ABCG2: variants seen among roughly 807,000 people sequenced by gnomAD.
ABCG2 encodes the protein ATP binding cassette subfamily G member 2 (JR blood group), also known as broad substrate specificity ATP-binding cassette transporter ABCG2.
A neutral mutation model predicts 73.5 loss-of-function variants in ABCG2; 80 were observed. That is an observed-to-expected ratio of 1.09 (90% CI 0.91 to 1.31). ABCG2 has a LOEUF of 1.31. Ranked by LOEUF, ABCG2 falls within the 50% of genes most tolerant of loss-of-function variation. The pLI, the probability that ABCG2 is intolerant of heterozygous loss-of-function variation, is 0.00. For missense variants in ABCG2, 796 were observed against 786.2 expected (o/e 1.01, Z -0.15); for synonymous variants, 269 against 282.4 (o/e 0.95, Z 0.48).
intron 1 of ABCG2, among the ~76,000 whole-genome samples, chr4:88,198,357 G>A (rs1028162659): frequency 2.0e-5 from 3 of 151,780 alleles, no homozygotes; most frequent in Non-Finnish European, 4.4e-5. Context: ...AATAAGCTGG[G>A]CATGATGGCT....
intron 1 of ABCG2, among the ~76,000 whole-genome samples, chr4:88,209,611 C>T (rs2110121744): frequency 6.7e-6 from 1 of 150,228 alleles, no homozygotes; most frequent in African/African-American, 2.4e-5. Flanking sequence ...GAGCTGATGT[C>T]ATGCCACTGC....
intron 1 of ABCG2, among the ~76,000 whole-genome samples, chr4:88,229,660 T>C (rs1399390741): frequency 1.3e-5 from 2 of 152,148 alleles, no homozygotes; most frequent in Non-Finnish European, 2.9e-5. Flanking sequence ...CTGGCCACCA[T>C]TCTCCTTTTC....
chr4:88,202,747 T>C (rs914430455), intron 1 of ABCG2, among the ~76,000 whole-genome samples: 7 of 151,996 alleles, frequency 4.6e-5, no homozygotes, highest in Non-Finnish European at 8.8e-5. Flanking sequence ...TAATCCTAGC[T>C]ACTCAGGAGG....
chr4:88,146,521 A>C (rs950196668), intron 1 of ABCG2, among the ~76,000 whole-genome samples: 3 of 151,936 alleles, frequency 2.0e-5, no homozygotes, highest in South Asian at 2.1e-4. Context: ...CAGCCTCCCA[A>C]GTAGCTGGGA....
intron 1 of ABCG2, among the ~76,000 whole-genome samples, chr4:88,183,756 CAA>C (rs556958786): frequency 7.7e-6 from 1 of 130,010 alleles, no homozygotes. Context: ...AAAGACACAT[CAA>C]AAAAAAAAAA....
At chr4:88,219,576 ATT>A (rs5860122) in intron 1 of ABCG2, among the ~76,000 whole-genome samples, 93 of 90,892 alleles carry the variant, frequency 1.0e-3, no homozygotes, top group South Asian at 3.3e-3. Flanking sequence ...TACCATTCAA[ATT>A]TTTTTTTTTT....
At chr4:88,168,055 A>G (rs1454382767) in intron 1 of ABCG2, among the ~76,000 whole-genome samples, 1 of 145,974 alleles carries the variant, frequency 6.9e-6, no homozygotes, top group Admixed American at 6.8e-5. Context: ...TTTTACACAG[A>G]GAGAGACAGC....
intron 12 of ABCG2, 149 bp from the exon 13 acceptor site, chr4:88,097,756 C>G (rs995293592): frequency 2.6e-6 from 2 of 771,028 alleles, no homozygotes; most frequent in Non-Finnish European, 4.1e-6. Context: ...CCCTCGGTCT[C>G]CAATGTTGTG....
intron 1 of ABCG2, among the ~76,000 whole-genome samples, chr4:88,200,000 CA>C (rs953519877): frequency 2.7e-5 from 4 of 150,680 alleles, no homozygotes; most frequent in South Asian, 2.1e-4. Flanking sequence ...GACTCCGTCT[CA>C]AAAAAAAAGT....
rs1721939189 is a variant in ABCG2 at position 88,095,718 on chromosome 4, C to T, written c.1648-109G>A. On this transcript the variant is annotated intron_variant, in intron 13 of 15. Transcript: ENST00000237612. Reference sequence around the variant, plus strand: ...CACTTTGTAAGTATTTCTTTTAAAACCAACTCTTTCTTGAAGTTCTCTCCA... The same window carrying T: ...CACTTTGTAAGTATTTCTTTTAAAATCAACTCTTTCTTGAAGTTCTCTCCA... 1.3e-5 allele frequency: 11 copies of T among 847,552 alleles called. 1 individual carries two copies. In the South Asian group the frequency reaches 1.7e-4, roughly 13 times the overall value. 52.5% of individuals were successfully genotyped at this position (847,552 alleles called of 1,614,324 possible).
At position 88,113,399 on chromosome 4, in the gene ABCG2, C is replaced by T. The variant is rs35622453; in HGVS notation, c.1098G>A (p.Glu366=). 5.8e-3 allele frequency: 9,377 copies of T among 1,614,130 alleles called. 371 individuals carry two copies. The Admixed American group carries it at 0.088, about 15-fold the overall frequency. The change falls in exon 9 of 16, where the codon GAG becomes GAA. Residue 366 remains glutamate, a synonymous_variant. Transcript: ENST00000237612. The part of the protein sequence containing the change: ...EKKKKITVFK[E]ISYTTSFCHQ... Reference sequence around the variant, plus strand: ...GACAGAAGGAGGTGGTGTAGCTGATCTCCTTGAAGACTGTGATCTTCTTCT... The same window carrying T: ...GACAGAAGGAGGTGGTGTAGCTGATTTCCTTGAAGACTGTGATCTTCTTCT...
At chr4:88,116,533 C>CT (rs1211896196) in intron 7 of ABCG2, among the ~76,000 whole-genome samples, 1 of 2,236 alleles carries the variant, frequency 4.5e-4, no homozygotes, top group African/African-American at 4.8e-4. Context: ...TCACACATTT[C>CT]TTTTTTTTTT....
chr4:88,188,387 T>C (rs957854750), intron 1 of ABCG2, among the ~76,000 whole-genome samples: 1 of 146,658 alleles, frequency 6.8e-6, no homozygotes, highest in Admixed American at 6.8e-5. Context: ...ATTAACTTTG[T>C]TTTTTTTTTT....
chr4:88,114,035 GC>G (rs1428380128), intron 8 of ABCG2, among the ~76,000 whole-genome samples: 1 of 152,048 alleles, frequency 6.6e-6, no homozygotes, highest in African/African-American at 2.4e-5. Flanking sequence ...AGGCACAGTG[GC>G]TCACTCCTGT....
At chr4:88,202,366 A>ATATATATATATATATATG (rs1456537532) in intron 1 of ABCG2, among the ~76,000 whole-genome samples, 2 of 122,966 alleles carry the variant, frequency 1.6e-5, no homozygotes, top group African/African-American at 3.0e-5. Context: ...ATATATATAT[A>ATATATATATATATATATG]TATATATATA....
In ABCG2 at chr4:88,199,735, T is replaced by C. The variant is rs933172624; in HGVS notation, c.-20+31259A>G. Among the ~76,000 whole-genome samples, 13 of 152,214 alleles carry C rather than the reference T, an allele frequency of 8.5e-5. 1 individual carries two copies. The highest frequency in any genetic ancestry group is 3.1e-4 in the African/African-American group (13 of 41,462). ...TTTATTTAGGCCGGGCGCAGTGGCT[T>C]ACGCCTGTGGTCCCAGCACTTTGGG... On this transcript the variant is annotated intron_variant, in intron 1 of 15. Transcript: ENST00000515655.
At chr4:88,147,461 G>T (rs1726135989) in intron 1 of ABCG2, among the ~76,000 whole-genome samples, 1 of 152,194 alleles carries the variant, frequency 6.6e-6, no homozygotes, top group Non-Finnish European at 1.5e-5. Flanking sequence ...ACAGAAAAAT[G>T]ATATTTATGA....
intron 1 of ABCG2, among the ~76,000 whole-genome samples, chr4:88,197,090 G>A (rs1460603837): frequency 6.6e-6 from 1 of 151,284 alleles, no homozygotes; most frequent in African/African-American, 2.4e-5. Flanking sequence ...CCTAATCATA[G>A]GACTGTAGAA....
chr4:88,150,711 T>C (rs1282380521), intron 1 of ABCG2, among the ~76,000 whole-genome samples: 2 of 152,200 alleles, frequency 1.3e-5, no homozygotes, highest in Non-Finnish European at 2.9e-5. Context: ...TACTAATTTG[T>C]GTTGGGCTTC....
Sources: allele counts gnomAD v4.1 joint callset (sites outside exome capture counted in the v4.1 genomes callset), GRCh38; gene constraint gnomAD v4.1.1; transcripts MANE v1.5; gene names NCBI Gene and HGNC (gene_info 2026-07-23, HGNC 2026-07-21).